Variants in FRMPD1 observed in about 807,000 individuals in gnomAD.
FRMPD1 encodes the protein FERM and PDZ domain containing 1.
FRMPD1 carries 76 observed loss-of-function variants against 117.8 expected under a neutral mutation model. The ratio of observed to expected loss-of-function variants is 0.65; its 90% CI spans 0.54 to 0.78. The LOEUF is 0.78. Ranked by LOEUF, FRMPD1 falls within the 30% of genes least tolerant of loss-of-function variation. FRMPD1 has a pLI of 0.00. For missense variants in FRMPD1, 1,786 were observed against 1,964.5 expected (o/e 0.91, Z 1.72); for synonymous variants, 783 against 770.4 (o/e 1.02, Z -0.27).
At chr9:37,617,540 A>G in the FRMPD1 span, among the ~76,000 whole-genome samples, 1 of 152,252 alleles carries the variant, frequency 6.6e-6, no homozygotes, top group Admixed American at 6.5e-5. Context: ...AGTATCTGGC[A>G]CATAGTAAAT....
intron 1 of FRMPD1, chr9:37,668,658 G>A (rs1406659671): frequency 6.6e-6 from 1 of 152,114 alleles, no homozygotes; most frequent in Admixed American, 6.5e-5. Context: ...TGGAAAGGGG[G>A]CTGTTTTGGT....
intron 1 of FRMPD1, among the ~76,000 whole-genome samples, chr9:37,664,615 C>A (rs940700573): frequency 6.6e-6 from 1 of 152,092 alleles, no homozygotes; most frequent in Non-Finnish European, 1.5e-5. Flanking sequence ...ATGATGGTTT[C>A]CAGCTTCATC....
In FRMPD1 at chr9:37,740,454, C is replaced by G; in HGVS notation, c.1926C>G (p.Asp642Glu). 1 of 1,614,222 alleles carries G rather than the reference C, an allele frequency of 6.2e-7. No homozygotes were observed. Among genetic ancestry groups the G allele is most frequent in the Non-Finnish European group, 8.5e-7 (1 of 1,180,026 alleles). Residue 642 changes from aspartate (D) to glutamate (E), a missense_variant, in exon 15 of 16, where the codon GAC (aspartate) becomes GAG (glutamate). Coordinates refer to ENST00000377765, the MANE Select transcript of FRMPD1 (RefSeq NM_014907.3). This position sits in a 1 kb window ranked among gnomAD's most constrained non-coding sequence, Gnocchi z 4.2. ...SPGLAESIDS[D>E]SQEERSGIET... is the part of the protein sequence containing the mutation. ...GCCTCGCAGAGAGCATTGACTCTGA[C>G]AGCCAGGAGGAGAGAAGCGGGATTG...
chr9:37,683,713 G>A (rs893176553), intron 1 of FRMPD1, among the ~76,000 whole-genome samples: 1 of 151,050 alleles, frequency 6.6e-6, no homozygotes, highest in Non-Finnish European at 1.5e-5. Context: ...AAAGGCTTTG[G>A]GGGGAATGAC....
the FRMPD1 span, among the ~76,000 whole-genome samples, chr9:37,616,228 C>G: frequency 6.6e-6 from 1 of 150,638 alleles, no homozygotes; most frequent in African/African-American, 2.4e-5. Context: ...AGCTATTCTC[C>G]TGGTTCACCC....
the FRMPD1 span, among the ~76,000 whole-genome samples, chr9:37,610,770 T>G: frequency 5.3e-4 from 80 of 151,920 alleles, no homozygotes; most frequent in Middle Eastern, 0.014. Flanking sequence ...AATTGTGTGG[T>G]TTTTTTTCTT....
At chr9:37,644,356 C>T in the FRMPD1 span, among the ~76,000 whole-genome samples, 1 of 152,232 alleles carries the variant, frequency 6.6e-6, no homozygotes, top group Non-Finnish European at 1.5e-5. Context: ...TTCTCAGGCT[C>T]CTGGGCCTTT....
chr9:37,700,319 A>G (rs555736853), intron 2 of FRMPD1, among the ~76,000 whole-genome samples: 1 of 152,310 alleles, frequency 6.6e-6, no homozygotes, highest in South Asian at 2.1e-4. Context: ...TTACAACCAC[A>G]AGTGCATTCC....
At chr9:37,623,649 C>T in the FRMPD1 span, among the ~76,000 whole-genome samples, 3 of 152,140 alleles carry the variant, frequency 2.0e-5, no homozygotes, top group Admixed American at 6.5e-5. Flanking sequence ...AGTTTGAACC[C>T]TATCCCTTAT....
At chr9:37,722,262 C>A (rs1444316949) in intron 6 of FRMPD1, among the ~76,000 whole-genome samples, 2 of 151,544 alleles carry the variant, frequency 1.3e-5, no homozygotes, top group Non-Finnish European at 2.9e-5. Flanking sequence ...TGAACCGAGA[C>A]TGTGCCACTG....
chr9:37,689,768 T>C (rs971183048), intron 1 of FRMPD1, among the ~76,000 whole-genome samples: 1 of 152,210 alleles, frequency 6.6e-6, no homozygotes, highest in Admixed American at 6.5e-5. Context: ...TGTACTTGAT[T>C]GGTAGTTTGA....
At chr9:37,680,378 T>A (rs1008921507) in intron 1 of FRMPD1, among the ~76,000 whole-genome samples, 1 of 152,240 alleles carries the variant, frequency 6.6e-6, no homozygotes, top group Non-Finnish European at 1.5e-5. Context: ...TATATATTTA[T>A]TTTAATGTGC....
In FRMPD1 at chr9:37,744,826, T is replaced by G. The variant is rs767970335; in HGVS notation, c.2794T>G (p.Ser932Ala). 3 of 1,614,068 alleles carry G rather than the reference T, an allele frequency of 1.9e-6. No individual in the cohort carries two copies. The highest frequency in any genetic ancestry group is 2.5e-6 in the Non-Finnish European group (3 of 1,179,966). ...EMEPETMETK[S>A]VIDSRVSSIS... The stretch of plus-strand genomic sequence containing the variant: ...GGAGCCCGAGACCATGGAAACCAAA[T>G]CAGTCATCGACTCTCGAGTGTCTTC... Residue 932 changes from serine to alanine, a missense_variant, in exon 16 of 16, where the codon TCA becomes GCA. Coordinates refer to ENST00000377765, the MANE Select transcript of FRMPD1 (RefSeq NM_014907.3).
chr9:37,728,204 C>G (rs1424474614), intron 7 of FRMPD1, among the ~76,000 whole-genome samples: 2 of 152,166 alleles, frequency 1.3e-5, no homozygotes, highest in Non-Finnish European at 2.9e-5. Context: ...GATGAAAACA[C>G]TGAGGCATAG....
chr9:37,718,940 C>T, intron 5 of FRMPD1, 129 bp from the exon 6 acceptor site: 1 of 638,298 alleles, frequency 1.6e-6, no homozygotes, highest in Non-Finnish European at 2.9e-6. Context: ...GGGATATCAT[C>T]CTTTCCTGTG....
At chr9:37,693,768 C>T (rs1257952471) in intron 2 of FRMPD1, among the ~76,000 whole-genome samples, 1 of 152,198 alleles carries the variant, frequency 6.6e-6, no homozygotes, top group Non-Finnish European at 1.5e-5. Flanking sequence ...TATTCTACTA[C>T]AAGCACCCTC....
the FRMPD1 span, among the ~76,000 whole-genome samples, chr9:37,628,463 G>A: frequency 6.6e-6 from 1 of 152,128 alleles, no homozygotes; most frequent in Non-Finnish European, 1.5e-5. Context: ...AAAAAGAAAG[G>A]AGGAGGAGGA....
In FRMPD1 at chr9:37,745,275, G is replaced by T. The variant is rs192396234; in HGVS notation, c.3243G>T (p.Glu1081Asp). Residue 1081 changes from glutamate (E) to aspartate (D), a missense_variant, in exon 16 of 16, where the codon GAG becomes GAT. Transcript: ENST00000377765. Reference sequence around the variant, plus strand: ...AGCCTTTGTTGTCTCCTAGAGATGAGCCTAGAAGTGATGAATGTGGAATAA... The same window carrying T: ...AGCCTTTGTTGTCTCCTAGAGATGATCCTAGAAGTGATGAATGTGGAATAA... ...YTEPLLSPRDEPRSDECGINP... is the reference protein window; with the variant it reads ...YTEPLLSPRDDPRSDECGINP... 2 of 1,612,444 alleles carry T rather than the reference G, an allele frequency of 1.2e-6. No individual in the cohort carries two copies. The highest frequency in any genetic ancestry group is 3.3e-5 in the Admixed American group (2 of 60,028).
intron 1 of FRMPD1, among the ~76,000 whole-genome samples, chr9:37,662,872 G>A (rs1302464900): frequency 1.3e-5 from 2 of 152,158 alleles, no homozygotes; most frequent in Admixed American, 1.3e-4. Context: ...CTGTTTGTGT[G>A]CCTGAGAAAT....
Sources: gnomAD v4.1 joint callset for allele counts (sites outside exome capture counted in the v4.1 genomes callset) on GRCh38, gnomAD v4.1.1 for gene constraint, Gnocchi (gnomAD v3.1) non-coding constraint, MANE v1.5 for transcripts, NCBI Gene and HGNC (gene_info 2026-07-23, HGNC 2026-07-21) for gene names.